Variants in COL18A1 observed in about 807,000 individuals in gnomAD.
COL18A1 encodes the protein collagen alpha-1(XVIII) chain.
A neutral mutation model predicts 168.0 loss-of-function variants in COL18A1; 133 were observed. The ratio of observed to expected loss-of-function variants is 0.79; its 90% confidence interval spans 0.69 to 0.91. The LOEUF (loss-of-function observed/expected upper bound fraction) is 0.91. Ranked by LOEUF, COL18A1 falls within the 40% of genes least tolerant of loss-of-function variation. COL18A1 has a pLI of 0.00. For missense variants in COL18A1, 2,126 were observed against 1,925.4 expected, an observed-to-expected ratio of 1.10 and a Z score of -1.95; for synonymous variants, 949 against 809.0, an observed-to-expected ratio of 1.17 and a Z score of -2.94.
At chr21:45,405,745 G>A (rs1482390774) in intron 2 of COL18A1, among the ~76,000 whole-genome samples, 1 of 151,028 alleles carries the variant, frequency 6.6e-6, no homozygotes, top group Non-Finnish European at 1.5e-5. Context: ...CTCCGCGGCC[G>A]GCGGGGTCGT....
intron 3 of COL18A1, among the ~76,000 whole-genome samples, chr21:45,469,897 A>C (rs1370096507): frequency 2.6e-5 from 4 of 152,274 alleles, no homozygotes. Context: ...TTGACACCAA[A>C]CTGGGCCTCT....
At chr21:45,439,080 C>G (rs1056869275) in intron 2 of COL18A1, among the ~76,000 whole-genome samples, 1 of 152,266 alleles carries the variant, frequency 6.6e-6, no homozygotes, top group African/African-American at 2.4e-5. Context: ...CTGACCCCAC[C>G]AGGCATCCCA....
At chr21:45,494,741 G>A (rs1043157251) in intron 27 of COL18A1, 121 bp from the exon 28 acceptor site, 44 of 1,274,698 alleles carry the variant, frequency 3.5e-5, no homozygotes, top group African/African-American at 4.4e-5. Context: ...GGGCTCCTCC[G>A]AGCTGATGGG....
rs1004038401 is a variant in COL18A1 at position 45,468,374 on chromosome 21, C to T, written c.239C>T (p.Ala80Val). 5 of 1,613,824 alleles carry T rather than the reference C, an allele frequency of 3.1e-6. No homozygotes were observed. The highest frequency in any genetic ancestry group is 3.3e-4 in the Middle Eastern group (2 of 6,062). ...FGPDANSGQV[A>V]RYHFPSLFFR... Reference sequence around the variant, plus strand: ...CCAGATGCCAACAGTGGCCAAGTGGCCCGGTACCACTTCCCCAGCCTCTTC... The same window carrying T: ...CCAGATGCCAACAGTGGCCAAGTGGTCCGGTACCACTTCCCCAGCCTCTTC... Residue 80 changes from alanine (A) to valine (V), a missense_variant, in exon 3 of 42, where the codon GCC becomes GTC. Coordinates refer to ENST00000651438, the MANE Select transcript of COL18A1 (RefSeq NM_001379500.1).
chr21:45,439,553 G>T (rs941140636), intron 2 of COL18A1, among the ~76,000 whole-genome samples: 1 of 152,268 alleles, frequency 6.6e-6, no homozygotes, highest in Non-Finnish European at 1.5e-5. Flanking sequence ...AGAAATGCCT[G>T]GGCCTCTGGC....
Position 45,505,407 on chromosome 21 carries a change from T to C in COL18A1, c.3063T>C (p.Pro1021=), listed in dbSNP as rs2146083275. The C allele has an allele frequency of 1.9e-6, 3 of 1,572,958 alleles. No homozygotes were observed. In the South Asian group the frequency reaches 3.4e-5, roughly 18 times the overall value. The change falls in exon 36 of 42, where the codon CCT becomes CCC. Residue 1021 remains proline, a synonymous_variant. Transcript: ENST00000651438. ...PPGPPGPPGP[P]GTMGASSGVR... ...GCCCCCCTGGGCCCCCTGGGCCCCC[T>C]GGAACCATGGGCGCCTCCTCAGGGG...
Position 45,496,494 on chromosome 21 carries a change from C to T in COL18A1, c.2509-6C>T, listed in dbSNP as rs2036547610. ...TAAGCCTAACAGCTCTCTGCCCTCC[C>T]CACAGGGAATGCCCGGCCCCCCAGG... On this transcript the variant is annotated splice_polypyrimidine_tract_variant and splice_region_variant and intron_variant, in intron 29 of 41. Transcript: ENST00000651438. 7.5e-7 allele frequency: 1 copy of T among 1,334,962 alleles called. No homozygotes were observed. Among genetic ancestry groups the T allele is most frequent in the Non-Finnish European group, 1.1e-6 (1 of 925,592 alleles). The allele number at this position is 1,334,962 out of a possible 1,614,324, so 82.7% of individuals were successfully genotyped here.
intron 2 of COL18A1, among the ~76,000 whole-genome samples, chr21:45,444,637 C>T (rs910114906): frequency 1.3e-5 from 2 of 152,000 alleles, no homozygotes; most frequent in African/African-American, 4.8e-5. Flanking sequence ...TCGTGCAGGG[C>T]GAGAGAGGCT....
intron 38 of COL18A1, 28 bp downstream of exon 38, chr21:45,507,621 G>T: frequency 5.0e-6 from 8 of 1,610,024 alleles, no homozygotes; most frequent in Non-Finnish European, 6.8e-6. Flanking sequence ...TGTTGAGACT[G>T]GTGGGTGGTC....
intron 38 of COL18A1, among the ~76,000 whole-genome samples, chr21:45,507,834 A>C (rs573410798): frequency 6.6e-6 from 1 of 152,296 alleles, no homozygotes; most frequent in African/African-American, 2.4e-5. Flanking sequence ...TCATCCCTCA[A>C]CTTTCCCAGT....
Position 45,443,546 on chromosome 21 carries a change from C to T in COL18A1, c.107-24696C>T, listed in dbSNP as rs949902510. Among the ~76,000 whole-genome samples, 11 of 152,230 alleles carry T rather than the reference C, an allele frequency of 7.2e-5. No homozygotes were observed. Among genetic ancestry groups the T allele is most frequent in the Middle Eastern group, 3.4e-3 (1 of 294 alleles). On this transcript the variant is annotated intron_variant, in intron 2 of 41. Transcript: ENST00000651438. The surrounding 1 kb of genome is among the most constrained non-coding windows in gnomAD (Gnocchi z 5.2). ...AAGGGCTCCCTCCTTGCACTGTGGT[C>T]TCTCGGGACCTAGGAGGTCCCGGGG... is the stretch of plus-strand genomic sequence containing the variant.
chr21:45,468,812 G>T (rs777489211), intron 3 of COL18A1, 26 bp downstream of exon 3: 9 of 1,556,526 alleles, frequency 5.8e-6, no homozygotes, highest in Non-Finnish European at 6.9e-6. Flanking sequence ...CCGTCGCTGG[G>T]GGACTGGAGC....
chr21:45,427,114 A>G (rs988237136), intron 2 of COL18A1, among the ~76,000 whole-genome samples: 23 of 152,128 alleles, frequency 1.5e-4, no homozygotes, highest in African/African-American at 5.3e-4. Context: ...CTCTCTCCGG[A>G]GCGTGTGTAG....
Position 45,478,387 on chromosome 21 carries a change from T to C in COL18A1, c.1248+34T>C, listed in dbSNP as rs373569851. On this transcript the variant is annotated intron_variant, in intron 9 of 41. Coordinates refer to ENST00000651438, the MANE Select transcript of COL18A1 (RefSeq NM_001379500.1). Reference sequence around the variant, plus strand: ...GCTTTTCTTTCTGACCCCTGTGTTATCTGTGATGTTTGCTTAGACCCCAGG... The same window carrying C: ...GCTTTTCTTTCTGACCCCTGTGTTACCTGTGATGTTTGCTTAGACCCCAGG... 17 of 1,614,076 alleles carry C rather than the reference T, an allele frequency of 1.1e-5. No homozygotes were observed. The African/African-American group carries it at 1.7e-4, about 16-fold the overall frequency.
At position 45,423,795 on chromosome 21, in the gene COL18A1, G is replaced by C. The variant is rs933925733; in HGVS notation, c.106+18322G>C. ...CGGGTGGAGGCAGTTCCGTCCTGCAGACTCCGTGGTTCTGAGTTGGAGCCC... is the reference window on the plus strand; with the variant it reads ...CGGGTGGAGGCAGTTCCGTCCTGCACACTCCGTGGTTCTGAGTTGGAGCCC... On this transcript the variant is annotated intron_variant, in intron 2 of 41. Coordinates refer to ENST00000651438, the MANE Select transcript of COL18A1 (RefSeq NM_001379500.1). The surrounding 1 kb of genome is among the most constrained non-coding windows in gnomAD (Gnocchi z 4.0). The C allele has an allele frequency of 2.0e-5, 3 of 152,384 alleles. No individual in the cohort carries two copies. Among genetic ancestry groups the C allele is most frequent in the Non-Finnish European group, 4.4e-5 (3 of 68,150 alleles). 9.4% of individuals were successfully genotyped at this position (152,384 alleles called of 1,614,324 possible).
intron 2 of COL18A1, among the ~76,000 whole-genome samples, chr21:45,438,082 T>A (rs1193266220): frequency 9.7e-6 from 1 of 103,564 alleles, no homozygotes; most frequent in Non-Finnish European, 1.9e-5. Context: ...AGACAAGCAC[T>A]CTCCTGCACA....
At chr21:45,512,077 C>T (rs1401660496) in intron 41 of COL18A1, 111 bp from the exon 42 acceptor site, 3 of 1,217,162 alleles carry the variant, frequency 2.5e-6, no homozygotes, top group Non-Finnish European at 3.6e-6. Context: ...TCTGCAGCCC[C>T]CTGGTAACCC....
At chr21:45,499,147 A>G (rs538806145) in intron 32 of COL18A1, among the ~76,000 whole-genome samples, 8 of 152,360 alleles carry the variant, frequency 5.3e-5, no homozygotes, top group East Asian at 1.9e-4. Flanking sequence ...ATGGTTTCCA[A>G]AATATCCAAG....
At chr21:45,494,495 G>T in intron 26 of COL18A1, 50 bp from the exon 27 acceptor site, 2 of 1,613,022 alleles carry the variant, frequency 1.2e-6, no homozygotes, top group Non-Finnish European at 1.7e-6. Context: ...GAGGCTGCCA[G>T]GTGGGGCACA....
Sources: gnomAD v4.1 joint callset for allele counts (sites outside exome capture counted in the v4.1 genomes callset) on GRCh38, gnomAD v4.1.1 for gene constraint, Gnocchi (gnomAD v3.1) non-coding constraint, MANE v1.5 for transcripts, NCBI Gene and HGNC (gene_info 2026-07-23, HGNC 2026-07-21) for gene names.